Variants in UNC5D observed in about 807,000 individuals in gnomAD.
UNC5D encodes unc-5 netrin receptor D.
In UNC5D, 39 loss-of-function variants were observed where a neutral mutation model predicts 105.4. That is an observed-to-expected ratio of 0.37 (90% CI 0.29 to 0.48). The LOEUF (loss-of-function observed/expected upper bound fraction) is 0.48, where lower values mean the gene tolerates loss of function less well. Among genes scored for constraint, UNC5D ranks in the 20% least tolerant of loss-of-function variants. UNC5D has a pLI of 0.98. For synonymous variants in UNC5D, 452 were observed against 450.4 expected, an observed-to-expected ratio of 1.00 and a Z score of -0.04; for missense variants, 991 against 1,202.4, an observed-to-expected ratio of 0.82 and a Z score of 2.60.
chr8:35,430,969 A>G (rs1470060593), intron 1 of UNC5D, among the ~76,000 whole-genome samples: 1 of 152,190 alleles, frequency 6.6e-6, no homozygotes, highest in Non-Finnish European at 1.5e-5. Flanking sequence ...TGTGATGGAC[A>G]CATGGCATGA....
chr8:35,339,615 G>GTGC (rs1183677592), intron 1 of UNC5D, among the ~76,000 whole-genome samples: 1 of 152,226 alleles, frequency 6.6e-6, no homozygotes, highest in Non-Finnish European at 1.5e-5. Flanking sequence ...AATTCCTTGT[G>GTGC]TGCTGCTGCT....
chr8:35,258,995 T>C (rs968797393), intron 1 of UNC5D, among the ~76,000 whole-genome samples: 2 of 152,094 alleles, frequency 1.3e-5, no homozygotes, highest in Non-Finnish European at 2.9e-5. Flanking sequence ...GAAGTACTCT[T>C]CCCCCTGGCT....
intron 1 of UNC5D, among the ~76,000 whole-genome samples, chr8:35,342,007 T>TC (rs771454294): frequency 1.3e-5 from 2 of 152,134 alleles, no homozygotes; most frequent in Admixed American, 6.6e-5. Flanking sequence ...CTCTTTTTTT[T>TC]CCCCGTTGTT....
At chr8:35,340,849 A>G (rs1468557340) in intron 1 of UNC5D, among the ~76,000 whole-genome samples, 5 of 152,170 alleles carry the variant, frequency 3.3e-5, no homozygotes, top group Non-Finnish European at 7.3e-5. Flanking sequence ...TATGGGTGAA[A>G]CATATTTTGG....
At chr8:35,322,712 T>C (rs1390303291) in intron 1 of UNC5D, among the ~76,000 whole-genome samples, 1 of 152,198 alleles carries the variant, frequency 6.6e-6, no homozygotes, top group East Asian at 1.9e-4. Context: ...GGTTAATATG[T>C]TGATTTCCTA....
chr8:35,748,585 G>A lies in UNC5D; in HGVS notation c.1825G>A (p.Asp609Asn). The change falls in exon 12 of 17, where the codon GAC (aspartate) becomes AAC (asparagine). Residue 609 changes from aspartate to asparagine, a missense_variant. This residue lies in a region of UNC5D where 944 missense variants were observed against 1,131.6 expected (regional missense o/e 0.83). Transcript: ENST00000404895. ...TCCTGAAGTCACCTGTGGTCCTCCA[G>A]ACATGATCGTCACCACTCCCTTTGC... Reference protein sequence around the residue: ...LSPEVTCGPPDMIVTTPFALT... With the variant: ...LSPEVTCGPPNMIVTTPFALT... 1 of 1,614,054 alleles carries A rather than the reference G, an allele frequency of 6.2e-7. No homozygotes were observed. Among genetic ancestry groups the A allele is most frequent in the Non-Finnish European group, 8.5e-7 (1 of 1,179,960 alleles).
At chr8:35,496,189 A>G (rs1160255825) in intron 1 of UNC5D, among the ~76,000 whole-genome samples, 2 of 152,116 alleles carry the variant, frequency 1.3e-5, no homozygotes, top group Non-Finnish European at 2.9e-5. Context: ...AGAGCAGGTG[A>G]GGTTGGGGTA....
At chr8:35,386,181 A>C (rs1803386340) in intron 1 of UNC5D, among the ~76,000 whole-genome samples, 1 of 152,182 alleles carries the variant, frequency 6.6e-6, no homozygotes, top group African/African-American at 2.4e-5. Context: ...AGGAGTAAGA[A>C]GTATTCATAA....
intron 1 of UNC5D, among the ~76,000 whole-genome samples, chr8:35,489,702 G>A (rs1265003351): frequency 6.6e-6 from 1 of 152,148 alleles, no homozygotes; most frequent in Non-Finnish European, 1.5e-5. Flanking sequence ...AATACACTTG[G>A]CAGTTTTCCA....
At chr8:35,495,454 ACAAC>A (rs1174077377) in intron 1 of UNC5D, among the ~76,000 whole-genome samples, 1 of 140,618 alleles carries the variant, frequency 7.1e-6, no homozygotes. Context: ...AACAACAACA[ACAAC>A]AAAAAAAAAA....
intron 8 of UNC5D, among the ~76,000 whole-genome samples, chr8:35,706,408 C>T (rs919495330): frequency 3.9e-5 from 6 of 152,026 alleles, no homozygotes; most frequent in Admixed American, 1.3e-4. Flanking sequence ...GAAATAATGA[C>T]GAGCTGAGGA....
chr8:35,407,151 C>T (rs1332243116), intron 1 of UNC5D, among the ~76,000 whole-genome samples: 1 of 152,066 alleles, frequency 6.6e-6, no homozygotes, highest in Non-Finnish European at 1.5e-5. Flanking sequence ...AGTACAGGAA[C>T]ATGCTATACA....
intron 3 of UNC5D, 109 bp downstream of exon 3, chr8:35,568,350 G>A: frequency 1.4e-6 from 2 of 1,421,624 alleles, no homozygotes; most frequent in South Asian, 3.0e-5. Flanking sequence ...GTAAATGAGA[G>A]GTCTTAAATT....
intron 4 of UNC5D, among the ~76,000 whole-genome samples, chr8:35,636,974 C>G (rs76788090): frequency 0.036 from 5,407 of 152,170 alleles, 367 homozygotes; most frequent in African/African-American, 0.12. Context: ...TCTGACTGCC[C>G]GTCAAATAAC....
At chr8:35,747,141 G>C (rs1391249426) in intron 11 of UNC5D, among the ~76,000 whole-genome samples, 1 of 152,124 alleles carries the variant, frequency 6.6e-6, no homozygotes, top group South Asian at 2.1e-4. Flanking sequence ...ACATCTCCAG[G>C]GCTTCTTGGA....
At chr8:35,512,957 AGATGTG>A (rs1301336748) in intron 1 of UNC5D, among the ~76,000 whole-genome samples, 8 of 151,952 alleles carry the variant, frequency 5.3e-5, no homozygotes, top group Non-Finnish European at 1.0e-4. Flanking sequence ...CTGGGATTAC[AGATGTG>A]AGCCACCATG....
At chr8:35,479,609 T>C (rs1214487530) in intron 1 of UNC5D, among the ~76,000 whole-genome samples, 2 of 152,126 alleles carry the variant, frequency 1.3e-5, no homozygotes, top group Non-Finnish European at 2.9e-5. Context: ...TACACAGCCG[T>C]ATAAAAGAAT....
chr8:35,578,841 C>T (rs1017600979), intron 3 of UNC5D, among the ~76,000 whole-genome samples: 1 of 152,166 alleles, frequency 6.6e-6, no homozygotes, highest in Non-Finnish European at 1.5e-5. Flanking sequence ...AAGTGTATTC[C>T]ACCACATCTT....
intron 1 of UNC5D, among the ~76,000 whole-genome samples, chr8:35,326,167 G>C (rs1006046898): frequency 4.9e-4 from 75 of 152,126 alleles, no homozygotes; most frequent in African/African-American, 1.7e-3. Flanking sequence ...AGTTATTCAG[G>C]CCTAAGCGGG....
Sources: allele counts gnomAD v4.1 joint callset (sites outside exome capture counted in the v4.1 genomes callset), GRCh38; gene constraint gnomAD v4.1.1; regional missense constraint gnomAD v4.1.1; transcripts MANE v1.5; gene names NCBI Gene and HGNC (gene_info 2026-07-23, HGNC 2026-07-21).